The following PCSK2 variants were observed in gnomAD, a reference collection of about 807,000 sequenced individuals.
PCSK2 encodes the protein proprotein convertase subtilisin/kexin type 2.
A neutral mutation model predicts 69.7 loss-of-function variants in PCSK2; 14 were observed. That is an observed-to-expected ratio of 0.20 (90% CI 0.13 to 0.31). The LOEUF (loss-of-function observed/expected upper bound fraction) is 0.31, where lower values mean the gene tolerates loss of function less well. Among genes scored for constraint, PCSK2 ranks in the 10% least tolerant of loss-of-function variants. PCSK2 has a pLI of 1.00. For synonymous variants in PCSK2, 307 were observed against 320.7 expected, an observed-to-expected ratio of 0.96 and a Z score of 0.46; for missense variants, 544 against 842.5, an observed-to-expected ratio of 0.65 and a Z score of 4.39.
At chr20:17,469,953 C>T (rs2033172695) in intron 11 of PCSK2, among the ~76,000 whole-genome samples, 1 of 152,162 alleles carries the variant, frequency 6.6e-6, no homozygotes, top group Non-Finnish European at 1.5e-5. Context: ...GCTCCCATCT[C>T]CCAAACCCCA....
At chr20:17,321,389 TC>T (rs1448602471) in intron 2 of PCSK2, among the ~76,000 whole-genome samples, 1 of 152,232 alleles carries the variant, frequency 6.6e-6, no homozygotes, top group Non-Finnish European at 1.5e-5. Flanking sequence ...TCCAATACTC[TC>T]CTCACTGCTG....
chr20:17,394,056 G>C (rs2031451928), intron 5 of PCSK2, among the ~76,000 whole-genome samples: 1 of 152,166 alleles, frequency 6.6e-6, no homozygotes, highest in Non-Finnish European at 1.5e-5. Flanking sequence ...CCAACAACTT[G>C]GGAGGTGGAG....
chr20:17,275,716 G>T (rs149838292), intron 2 of PCSK2, among the ~76,000 whole-genome samples: 23 of 152,232 alleles, frequency 1.5e-4, no homozygotes, highest in Middle Eastern at 3.4e-3. Context: ...AAGGAAACGT[G>T]CAGTCTGCTG....
At chr20:17,391,729 T>C (rs2031378235) in intron 5 of PCSK2, among the ~76,000 whole-genome samples, 1 of 151,994 alleles carries the variant, frequency 6.6e-6, no homozygotes, top group African/African-American at 2.4e-5. Context: ...TAGCTATGTA[T>C]GGTGACATAT....
At chr20:17,351,626 A>T (rs543405596) in intron 2 of PCSK2, among the ~76,000 whole-genome samples, 4 of 151,882 alleles carry the variant, frequency 2.6e-5, no homozygotes, top group Admixed American at 2.0e-4. Context: ...TGCAGAAAAA[A>T]CTTTTAATAA....
At chr20:17,451,988 G>A (rs796415412) in intron 8 of PCSK2, among the ~76,000 whole-genome samples, 8 of 140,006 alleles carry the variant, frequency 5.7e-5, no homozygotes, top group African/African-American at 1.9e-4. Flanking sequence ...GCACAATCTC[G>A]GCTCACTGCA....
At chr20:17,373,372 A>G (rs2030830468) in intron 5 of PCSK2, among the ~76,000 whole-genome samples, 1 of 152,132 alleles carries the variant, frequency 6.6e-6, no homozygotes, top group Admixed American at 6.5e-5. Context: ...TTATGTGACA[A>G]CTTCGTCAGT....
intron 2 of PCSK2, among the ~76,000 whole-genome samples, chr20:17,356,285 AT>A (rs527797281): frequency 7.3e-5 from 11 of 151,076 alleles, no homozygotes; most frequent in East Asian, 5.8e-4. Context: ...CTTTGGGGAG[AT>A]TTTTTTTTAA....
intron 2 of PCSK2, among the ~76,000 whole-genome samples, chr20:17,285,121 C>T (rs1395700165): frequency 6.6e-6 from 1 of 152,144 alleles, no homozygotes; most frequent in Admixed American, 6.5e-5. Context: ...ATTATTTACT[C>T]TTATTTATAA....
chr20:17,269,236 T>C (rs1333259741), intron 2 of PCSK2, among the ~76,000 whole-genome samples: 1 of 152,138 alleles, frequency 6.6e-6, no homozygotes, highest in Admixed American at 6.5e-5. Context: ...TAGTGTTCAA[T>C]GCCAGGAGAC....
At chr20:17,457,603 G>A (rs1433833898) in intron 10 of PCSK2, among the ~76,000 whole-genome samples, 2 of 152,112 alleles carry the variant, frequency 1.3e-5, no homozygotes, top group Admixed American at 6.5e-5. Context: ...CAACTATTAG[G>A]CACAGAGACC....
rs117218036 is a variant in PCSK2 at position 17,380,755 on chromosome 20, C to T, written c.543+11478C>T. On this transcript the variant is annotated intron_variant, in intron 5 of 11. Transcript: ENST00000262545. ...AGACCTCAAAGTCTGTTCTCTTAGC[C>T]TCCCCCTCCCTTCCTGCCTTAAGGA... Among the ~76,000 whole-genome samples, 690 of 152,312 alleles carry T rather than the reference C, an allele frequency of 4.5e-3. 17 individuals are homozygous for T. The highest frequency in any genetic ancestry group is 0.032 in the East Asian group (166 of 5,186).
chr20:17,318,439 T>C (rs1004737643), intron 2 of PCSK2, among the ~76,000 whole-genome samples: 1 of 152,188 alleles, frequency 6.6e-6, no homozygotes, highest in Non-Finnish European at 1.5e-5. Context: ...AAAATGATGT[T>C]TTTCATCATT....
At chr20:17,449,134 C>T (rs1028240883) in intron 8 of PCSK2, among the ~76,000 whole-genome samples, 2 of 152,168 alleles carry the variant, frequency 1.3e-5, no homozygotes, top group Non-Finnish European at 2.9e-5. Context: ...CCTCAAGGCT[C>T]CACTTCCCAG....
At chr20:17,292,304 A>C (rs1333876438) in intron 2 of PCSK2, among the ~76,000 whole-genome samples, 1 of 149,870 alleles carries the variant, frequency 6.7e-6, no homozygotes. Flanking sequence ...TTGTTTTAGA[A>C]AGAAAAGAAA....
chr20:17,285,402 CTGT>C (rs1988477450), intron 2 of PCSK2, among the ~76,000 whole-genome samples: 2 of 152,128 alleles, frequency 1.3e-5, no homozygotes, highest in Admixed American at 1.3e-4. Flanking sequence ...TGGAAAATGG[CTGT>C]TATTTCTGTC....
At chr20:17,257,161 A>G (rs867717266) in intron 1 of PCSK2, among the ~76,000 whole-genome samples, 41 of 152,188 alleles carry the variant, frequency 2.7e-4, no homozygotes, top group African/African-American at 9.2e-4. Context: ...GCCAACAAAC[A>G]TATGAAAAAA....
In PCSK2 at chr20:17,309,784, C is replaced by T. The variant is rs986565181; in HGVS notation, c.283-48543C>T. Among the ~76,000 whole-genome samples, 19 of 151,552 alleles carry T rather than the reference C, an allele frequency of 1.3e-4. 1 individual carries two copies. The highest frequency in any genetic ancestry group is 4.4e-5 in the Non-Finnish European group (3 of 67,982). On this transcript the variant is annotated intron_variant, in intron 2 of 11. Coordinates refer to ENST00000262545, the MANE Select transcript of PCSK2 (RefSeq NM_002594.5). ...AGTGAGCCAATATCATGCCACTATA[C>T]TCCAGCCTGGGTGACAGAGCGAGAC...
At chr20:17,346,024 A>T (rs1231797128) in intron 2 of PCSK2, among the ~76,000 whole-genome samples, 11 of 152,212 alleles carry the variant, frequency 7.2e-5, no homozygotes, top group Admixed American at 5.9e-4. Context: ...GAACTTCTTC[A>T]GTCAGATCCA....
Sources: allele counts gnomAD v4.1 joint callset (sites outside exome capture counted in the v4.1 genomes callset), GRCh38; gene constraint gnomAD v4.1.1; transcripts MANE v1.5; gene names NCBI Gene and HGNC (gene_info 2026-07-23, HGNC 2026-07-21).